Variants in SEZ6L observed in about 807,000 individuals in gnomAD.
SEZ6L encodes seizure 6-like protein.
Under a neutral mutation model 106.2 loss-of-function variants are expected in SEZ6L, and 37 were observed. The observed-to-expected ratio is 0.35, with a 90% confidence interval of 0.27 to 0.46. The LOEUF (loss-of-function observed/expected upper bound fraction) is 0.46. SEZ6L is among the 20% of genes least tolerant of loss of function. SEZ6L has a pLI of 1.00. For missense variants in SEZ6L, 1,172 were observed against 1,332.8 expected, an observed-to-expected ratio of 0.88 and a Z score of 1.88; for synonymous variants, 541 against 570.4, an observed-to-expected ratio of 0.95 and a Z score of 0.73.
intron 1 of SEZ6L, among the ~76,000 whole-genome samples, chr22:26,179,103 C>T (rs1291179208): frequency 6.6e-6 from 1 of 152,072 alleles, no homozygotes; most frequent in Non-Finnish European, 1.5e-5. Context: ...AAAAAAGAGG[C>T]TTGAGGCCAG....
rs1472670669 is a variant in SEZ6L, at chr22:26,383,419, T to A, written c.*3124T>A. ...ACTAGGCATGACGAGTCATTTGAGG[T>A]CAGATATTATTTGAGTTGTTCAGCA... is the stretch of plus-strand genomic sequence containing the variant. On this transcript the variant is annotated 3_prime_UTR_variant, in exon 17 of 17. Transcript: ENST00000248933. 6.6e-6 allele frequency: 1 copy of A among 152,032 alleles called. No individual in the cohort carries two copies. The highest frequency in any genetic ancestry group is 2.4e-5 in the African/African-American group (1 of 41,384). The allele number at this position is 152,032 out of a possible 1,614,324, so 9.4% of individuals were successfully genotyped here.
chr22:26,282,413 A>G (rs921900233), intron 1 of SEZ6L, among the ~76,000 whole-genome samples: 3 of 152,196 alleles, frequency 2.0e-5, no homozygotes, highest in African/African-American at 7.2e-5. Flanking sequence ...TTACCTAAAA[A>G]TCTATTGCTG....
At chr22:26,173,737 C>A (rs563641090) in intron 1 of SEZ6L, among the ~76,000 whole-genome samples, 2 of 152,270 alleles carry the variant, frequency 1.3e-5, no homozygotes, top group African/African-American at 4.8e-5. Context: ...CTCAGGGCGC[C>A]AACAGACTCA....
intron 9 of SEZ6L, among the ~76,000 whole-genome samples, chr22:26,325,496 G>T (rs1421828202): frequency 6.6e-6 from 1 of 152,040 alleles, no homozygotes; most frequent in Non-Finnish European, 1.5e-5. Flanking sequence ...GACAAGATTT[G>T]CACCTAGGGC....
At chr22:26,197,101 A>T (rs560502304) in intron 1 of SEZ6L, among the ~76,000 whole-genome samples, 1 of 152,136 alleles carries the variant, frequency 6.6e-6, no homozygotes, top group African/African-American at 2.4e-5. Context: ...TACTTCTTTC[A>T]CATCATCTTA....
intron 16 of SEZ6L, 121 bp downstream of exon 16, chr22:26,377,896 T>C: frequency 2.7e-6 from 2 of 738,492 alleles, no homozygotes; most frequent in Non-Finnish European, 2.3e-6. Context: ...GGTCCTGTCT[T>C]ATCCCCACCA....
intron 1 of SEZ6L, among the ~76,000 whole-genome samples, chr22:26,194,096 G>A (rs567145094): frequency 1.8e-4 from 28 of 152,182 alleles, no homozygotes; most frequent in Non-Finnish European, 4.0e-4. Flanking sequence ...GTAAAACTTG[G>A]CAATGTAAAG....
intron 13 of SEZ6L, among the ~76,000 whole-genome samples, chr22:26,366,052 C>T (rs1168981306): frequency 1.3e-5 from 2 of 152,140 alleles, no homozygotes; most frequent in Non-Finnish European, 2.9e-5. Context: ...GAGCTTTTGA[C>T]CAGGCACAGT....
At chr22:26,178,478 G>T (rs1289185316) in intron 1 of SEZ6L, among the ~76,000 whole-genome samples, 1 of 152,202 alleles carries the variant, frequency 6.6e-6, no homozygotes. Flanking sequence ...AATGTAGTTG[G>T]TGCCAGCCCG....
chr22:26,263,052 C>G (rs1237601194), intron 1 of SEZ6L, among the ~76,000 whole-genome samples: 4 of 152,230 alleles, frequency 2.6e-5, no homozygotes, highest in Non-Finnish European at 5.9e-5. Flanking sequence ...GCACCTAGCC[C>G]TGGTTCCCCT....
Position 26,298,984 on chromosome 22 carries a change from C to G in SEZ6L, c.1163C>G (p.Ala388Gly), listed in dbSNP as rs200415298. 14 of 1,561,612 alleles carry G rather than the reference C, an allele frequency of 9.0e-6. No individual in the cohort carries two copies. Among genetic ancestry groups the G allele is most frequent in the East Asian group, 2.4e-5 (1 of 41,966 alleles). The change falls in exon 5 of 17, where the codon GCC (alanine) becomes GGC (glycine). Residue 388 changes from alanine to glycine, a missense_variant and splice_region_variant. By Grantham distance (60) the Ala-to-Gly change is moderately conservative (BLOSUM62 0). Coordinates refer to ENST00000248933, the MANE Select transcript of SEZ6L (RefSeq NM_021115.5). ...GLGTFQLHYQ[A>G]FMLSCNFPRR... ...AGTCTGCCTCTGCATTTCTTCCCAG[C>G]CTTCATGCTGAGCTGCAACTTTCCC...
chr22:26,281,512 A>T (rs539109514), intron 1 of SEZ6L, among the ~76,000 whole-genome samples: 1 of 151,548 alleles, frequency 6.6e-6, no homozygotes, highest in Non-Finnish European at 1.5e-5. Context: ...GTAGCTGGGA[A>T]TACAGGCGCC....
chr22:26,289,941 T>G (rs2081055586), intron 1 of SEZ6L, among the ~76,000 whole-genome samples: 1 of 152,198 alleles, frequency 6.6e-6, no homozygotes, highest in South Asian at 2.1e-4. Context: ...TGCTCCAGTT[T>G]CCTGCCGAGG....
Position 26,207,910 on chromosome 22 carries a change from A to ATTTTTTTTTTT in SEZ6L, c.94+38154_94+38164dup, listed in dbSNP as rs134772. 1.2e-4 allele frequency among the ~76,000 whole-genome samples: 17 copies of ATTTTTTTTTTT among 138,496 alleles called. No individual in the cohort carries two copies. In the South Asian group the frequency reaches 3.1e-3, roughly 25 times the overall value. The allele number at this position is 138,496 out of a possible 152,430, so 90.9% of individuals were successfully genotyped here. On this transcript the variant is annotated intron_variant, in intron 1 of 16. Transcript: ENST00000248933. The stretch of plus-strand genomic sequence containing the variant: ...ATTTTTGCTTTAAATATTCATGTGT[A>ATTTTTTTTTTT]TTTTTTTTTTTTTTTTTGAGACGGA...
At chr22:26,308,144 T>C (rs1342685896) in intron 6 of SEZ6L, among the ~76,000 whole-genome samples, 1 of 152,160 alleles carries the variant, frequency 6.6e-6, no homozygotes, top group East Asian at 1.9e-4. Flanking sequence ...ATGGCTAAAA[T>C]ACCACAATAT....
chr22:26,282,859 AT>A (rs1182530469), intron 1 of SEZ6L, among the ~76,000 whole-genome samples: 7 of 151,958 alleles, frequency 4.6e-5, no homozygotes, highest in Non-Finnish European at 8.8e-5. Flanking sequence ...TCTGAAGGTG[AT>A]TTTTTTTCTA....
chr22:26,350,270 C>A (rs1479435934), intron 11 of SEZ6L, among the ~76,000 whole-genome samples: 2 of 151,440 alleles, frequency 1.3e-5, no homozygotes, highest in South Asian at 2.1e-4. Flanking sequence ...CTCTGTTGCC[C>A]AGGCTGGAGT....
rs933429782 is a variant in SEZ6L at position 26,350,985 on chromosome 22, A to G, written c.2408-67A>G. ...TAGGAAACTTTCTAGATCATTCTGT[A>G]ATTCTCAGCAAACCCATGGTCATCC... On this transcript the variant is annotated intron_variant, in intron 11 of 16. Coordinates refer to ENST00000248933, the MANE Select transcript of SEZ6L (RefSeq NM_021115.5). 9 of 1,491,676 alleles carry G rather than the reference A, an allele frequency of 6.0e-6. No homozygotes were observed. In the Admixed American group the frequency reaches 1.2e-4, roughly 20 times the overall value. 92.4% of individuals were successfully genotyped at this position (1,491,676 alleles called of 1,614,324 possible).
intron 12 of SEZ6L, among the ~76,000 whole-genome samples, chr22:26,359,653 A>T (rs1371531328): frequency 1.3e-5 from 2 of 152,074 alleles, no homozygotes; most frequent in Admixed American, 1.3e-4. Flanking sequence ...AAAAATTTTT[A>T]AATTAGCCAG....
Sources: allele counts gnomAD v4.1 joint callset (sites outside exome capture counted in the v4.1 genomes callset), GRCh38; gene constraint gnomAD v4.1.1; transcripts MANE v1.5; gene names NCBI Gene and HGNC (gene_info 2026-07-23, HGNC 2026-07-21).